The following SCAPER variants were observed in gnomAD, a reference collection of about 807,000 sequenced individuals.
SCAPER encodes the protein S phase cyclin A-associated protein in the endoplasmic reticulum.
A neutral mutation model predicts 182.2 loss-of-function variants in SCAPER; 98 were observed. The observed-to-expected ratio is 0.54, with a 90% CI of 0.46 to 0.64. The LOEUF (loss-of-function observed/expected upper bound fraction) is 0.64. SCAPER is among the 30% of genes least tolerant of loss of function. The pLI is 0.00. For synonymous variants in SCAPER, 605 were observed against 564.6 expected (o/e 1.07, Z -1.01); for missense variants, 1,432 against 1,690.0 (o/e 0.85, Z 2.68).
intron 23 of SCAPER, 61 bp downstream of exon 23, chr15:76,574,097 C>T: frequency 1.3e-6 from 2 of 1,527,226 alleles, no homozygotes; most frequent in Non-Finnish European, 1.8e-6. Flanking sequence ...GCTCTATGTA[C>T]TGTCATAGTG....
intron 8 of SCAPER, among the ~76,000 whole-genome samples, chr15:76,782,186 A>C (rs1031651219): frequency 6.6e-6 from 1 of 152,192 alleles, no homozygotes; most frequent in Non-Finnish European, 1.5e-5. Context: ...AAAGGGATGG[A>C]GGAAAATCTA....
intron 22 of SCAPER, among the ~76,000 whole-genome samples, chr15:76,582,253 G>C (rs1348505257): frequency 6.6e-6 from 1 of 152,152 alleles, no homozygotes; most frequent in Non-Finnish European, 1.5e-5. Context: ...AACAAATTTA[G>C]TAAAACTGTA....
At chr15:76,852,078 CA>C in intron 4 of SCAPER, among the ~76,000 whole-genome samples, 1 of 151,260 alleles carries the variant, frequency 6.6e-6, no homozygotes, top group Admixed American at 6.6e-5. Flanking sequence ...CAACAAAGAT[CA>C]AAAAAAGACA....
At chr15:76,853,138 A>G (rs1000798596) in intron 4 of SCAPER, among the ~76,000 whole-genome samples, 1 of 152,186 alleles carries the variant, frequency 6.6e-6, no homozygotes, top group East Asian at 1.9e-4. Flanking sequence ...GAACAAACTG[A>G]TTCTCTAAAT....
intron 21 of SCAPER, among the ~76,000 whole-genome samples, chr15:76,652,274 ATATATATATATATATAT>A (rs1330193853): frequency 9.4e-5 from 1 of 10,642 alleles, no homozygotes; most frequent in Non-Finnish European, 1.6e-4. Flanking sequence ...AAAAAAAAAA[ATATATATATATATATAT>A]ATATATATAT....
chr15:76,410,373 C>T (rs955724152), intron 26 of SCAPER, among the ~76,000 whole-genome samples: 8 of 152,168 alleles, frequency 5.3e-5, no homozygotes, highest in African/African-American at 1.9e-4. Context: ...GTAGCTGACA[C>T]ATAATTTCTA....
At chr15:76,397,007 GTTTT>G (rs61586857) in intron 27 of SCAPER, among the ~76,000 whole-genome samples, 5 of 121,160 alleles carry the variant, frequency 4.1e-5, no homozygotes, top group African/African-American at 5.8e-5. Flanking sequence ...TTTTTTGAGA[GTTTT>G]TTTTTTTTTT....
chr15:76,521,815 A>C (rs937842912), intron 23 of SCAPER, among the ~76,000 whole-genome samples: 2 of 152,286 alleles, frequency 1.3e-5, no homozygotes, highest in Admixed American at 6.5e-5. Flanking sequence ...AAATCTATTA[A>C]ATTTGTTTCT....
chr15:76,668,754 C>G (rs1035113461), intron 20 of SCAPER, among the ~76,000 whole-genome samples: 11 of 152,166 alleles, frequency 7.2e-5, no homozygotes, highest in Non-Finnish European at 1.5e-4. Context: ...GTTTTGTTCA[C>G]TGATGTTTCT....
intron 24 of SCAPER, among the ~76,000 whole-genome samples, chr15:76,495,980 A>G (rs2040464513): frequency 7.3e-6 from 1 of 137,336 alleles, no homozygotes; most frequent in South Asian, 2.4e-4. Flanking sequence ...AGAGAAAGAA[A>G]GCAAAAGAGA....
chr15:76,607,541 T>G (rs1040025056), intron 22 of SCAPER, among the ~76,000 whole-genome samples: 2 of 152,224 alleles, frequency 1.3e-5, no homozygotes, highest in Non-Finnish European at 2.9e-5. Flanking sequence ...TTCTCTGTAT[T>G]TCCTGGATTT....
chr15:76,572,915 T>TCACACACACACACACACACA (rs376553582), intron 23 of SCAPER, among the ~76,000 whole-genome samples: 5 of 131,260 alleles, frequency 3.8e-5, no homozygotes, highest in African/African-American at 1.5e-4. Context: ...TCTCTCTCTC[T>TCACACACACACACACACACA]CTCTCACACA....
intron 15 of SCAPER, among the ~76,000 whole-genome samples, chr15:76,748,800 C>A (rs2061943030): frequency 2.0e-5 from 3 of 150,808 alleles, no homozygotes; most frequent in Non-Finnish European, 4.4e-5. Flanking sequence ...TTGAGTGACA[C>A]AAATTATATA....
chr15:76,546,344 C>A (rs1250505066), intron 23 of SCAPER, among the ~76,000 whole-genome samples: 3 of 151,992 alleles, frequency 2.0e-5, no homozygotes, highest in Admixed American at 1.3e-4. Context: ...TACCTACTGT[C>A]TACATCTAAA....
intron 26 of SCAPER, among the ~76,000 whole-genome samples, chr15:76,425,230 C>G (rs1194819624): frequency 2.0e-5 from 3 of 152,188 alleles, no homozygotes; most frequent in Non-Finnish European, 4.4e-5. Context: ...TGGTTCCATT[C>G]TCCCTGTCAC....
At chr15:76,801,711 G>C (rs1454146101) in intron 6 of SCAPER, among the ~76,000 whole-genome samples, 1 of 152,030 alleles carries the variant, frequency 6.6e-6, no homozygotes. Context: ...CTCGAGGTCA[G>C]GAGTTCGAGA....
At chr15:76,370,644 G>A (rs1056862519) in intron 29 of SCAPER, among the ~76,000 whole-genome samples, 6 of 152,080 alleles carry the variant, frequency 3.9e-5, no homozygotes, top group African/African-American at 1.2e-4. Flanking sequence ...ACAATATTGT[G>A]CAACTGTCAC....
intron 23 of SCAPER, among the ~76,000 whole-genome samples, chr15:76,529,421 C>T (rs2043452851): frequency 1.3e-5 from 2 of 152,318 alleles, no homozygotes; most frequent in East Asian, 3.9e-4. Flanking sequence ...ACTTCTACTT[C>T]TAGGAATATT....
intron 2 of SCAPER, among the ~76,000 whole-genome samples, chr15:76,882,759 G>A (rs1437032490): frequency 6.6e-6 from 1 of 152,222 alleles, no homozygotes; most frequent in African/African-American, 2.4e-5. Context: ...CCGCCTCCCG[G>A]GTTCATGCCA....
Sources: allele counts gnomAD v4.1 joint callset (sites outside exome capture counted in the v4.1 genomes callset), GRCh38; gene constraint gnomAD v4.1.1; transcripts MANE v1.5; gene names NCBI Gene and HGNC (gene_info 2026-07-23, HGNC 2026-07-21).